Variants in ADAM12 observed in about 807,000 individuals in gnomAD.
ADAM12 encodes disintegrin and metalloproteinase domain-containing protein 12.
ADAM12 carries 70 observed loss-of-function variants against 106.4 expected under a neutral mutation model. That is an observed-to-expected ratio of 0.66 (90% CI 0.54 to 0.80). The LOEUF (loss-of-function observed/expected upper bound fraction) is 0.80, where lower values mean the gene tolerates loss of function less well. ADAM12 is among the 30% of genes least tolerant of loss of function. ADAM12 has a pLI of 0.00. For missense variants in ADAM12, 1,010 were observed against 1,171.9 expected, an observed-to-expected ratio of 0.86 and a Z score of 2.02; for synonymous variants, 420 against 433.5, an observed-to-expected ratio of 0.97 and a Z score of 0.39.
chr10:126,062,512 G>A (rs998841547), intron 14 of ADAM12, among the ~76,000 whole-genome samples: 4 of 152,174 alleles, frequency 2.6e-5, no homozygotes, highest in African/African-American at 7.2e-5. Context: ...CAGTCTGTGG[G>A]TCAGGTTGTC....
intron 1 of ADAM12, among the ~76,000 whole-genome samples, chr10:126,332,585 G>A (rs545159218): frequency 4.6e-4 from 70 of 152,202 alleles, no homozygotes; most frequent in Non-Finnish European, 8.1e-4. Flanking sequence ...TGGTATTTCT[G>A]AAGGACAGGC....
In ADAM12 at chr10:126,036,235, G is replaced by C. The variant is rs769115498; in HGVS notation, c.2440C>G (p.Arg814Gly). Residue 814 changes from arginine (R) to glycine (G), a missense_variant, in exon 21 of 23, where the codon CGA (arginine) becomes GGA (glycine). By Grantham distance (125) the Arg-to-Gly change is moderately radical (BLOSUM62 -2). This residue lies in a region of ADAM12 where 615 missense variants were observed against 708.5 expected (regional missense o/e 0.87). Coordinates refer to ENST00000448723, the MANE Select transcript of ADAM12 (RefSeq NM_001288973.2). Reference sequence around the variant, plus strand: ...GCCCGGTGGAGGGGAGGAAGCACTCGCTGAGTTGACTGGGGCTGAGGGACA... The same window carrying C: ...GCCCGGTGGAGGGGAGGAAGCACTCCCTGAGTTGACTGGGGCTGAGGGACA... ...LNVPQPQSTQRVLPPLHRAPR... is the reference protein window; with the variant it reads ...LNVPQPQSTQGVLPPLHRAPR... 2.6e-6 allele frequency: 4 copies of C among 1,551,480 alleles called. No homozygotes were observed. Among genetic ancestry groups the C allele is most frequent in the Non-Finnish European group, 3.5e-6 (4 of 1,154,592 alleles).
At chr10:126,367,965 T>C (rs1167769558) in intron 1 of ADAM12, among the ~76,000 whole-genome samples, 1 of 150,976 alleles carries the variant, frequency 6.6e-6, no homozygotes, top group Non-Finnish European at 1.5e-5. Flanking sequence ...GACAATAATA[T>C]AATAAGAAAA....
chr10:126,140,335 GATTA>G (rs1956487004), intron 4 of ADAM12, among the ~76,000 whole-genome samples: 1 of 152,068 alleles, frequency 6.6e-6, no homozygotes, highest in African/African-American at 2.4e-5. Flanking sequence ...GTTTTTAATA[GATTA>G]TTTATTAAAT....
chr10:126,150,743 A>G (rs921632610), intron 4 of ADAM12, among the ~76,000 whole-genome samples: 1 of 152,254 alleles, frequency 6.6e-6, no homozygotes, highest in Middle Eastern at 3.4e-3. Context: ...TCTTTCTTCC[A>G]TTCTGTCATC....
chr10:126,329,527 G>A (rs1187598524), intron 2 of ADAM12, among the ~76,000 whole-genome samples: 1 of 152,118 alleles, frequency 6.6e-6, no homozygotes, highest in African/African-American at 2.4e-5. Context: ...TTGCAACAAT[G>A]TCTGTGAAAC....
In ADAM12 at chr10:126,193,187, C is replaced by T. The variant is rs546004991; in HGVS notation, c.261-37882G>A. On this transcript the variant is annotated intron_variant, in intron 3 of 22. Coordinates refer to ENST00000448723, the MANE Select transcript of ADAM12 (RefSeq NM_001288973.2). ...GGCTGAGGCAAGAGAATCACTTGAA[C>T]CCAGAAGGCAGAGGTTGCAGTGAGC... Among the ~76,000 whole-genome samples, 10 of 143,876 alleles carry T rather than the reference C, an allele frequency of 7.0e-5. No individual in the cohort carries two copies. In the South Asian group the frequency reaches 2.2e-3, roughly 31 times the overall value. 94.4% of individuals were successfully genotyped at this position (143,876 alleles called of 152,430 possible).
intron 5 of ADAM12, among the ~76,000 whole-genome samples, chr10:126,128,345 A>T (rs1956240012): frequency 6.6e-6 from 1 of 152,200 alleles, no homozygotes; most frequent in South Asian, 2.1e-4. Context: ...AAACTGCATG[A>T]CAGCAATGCT....
At chr10:126,303,540 A>C (rs908894170) in intron 2 of ADAM12, among the ~76,000 whole-genome samples, 34 of 152,186 alleles carry the variant, frequency 2.2e-4, no homozygotes, top group Admixed American at 5.9e-4. Context: ...CAATTAAGAA[A>C]ATCACCCTAT....
intron 14 of ADAM12, among the ~76,000 whole-genome samples, chr10:126,058,845 A>C (rs2133463999): frequency 6.6e-6 from 1 of 152,368 alleles, no homozygotes; most frequent in Non-Finnish European, 1.5e-5. Flanking sequence ...GATGTTACAA[A>C]GGCAGAGATT....
intron 4 of ADAM12, among the ~76,000 whole-genome samples, chr10:126,144,413 C>T (rs1017421617): frequency 6.6e-6 from 1 of 152,224 alleles, no homozygotes; most frequent in African/African-American, 2.4e-5. Flanking sequence ...TAAACCCACT[C>T]TGCTGTAAGC....
intron 3 of ADAM12, among the ~76,000 whole-genome samples, chr10:126,264,815 C>A (rs1300326486): frequency 6.6e-6 from 1 of 152,166 alleles, no homozygotes; most frequent in Non-Finnish European, 1.5e-5. Context: ...ATCCAGACCC[C>A]TGCTTTTCCT....
intron 11 of ADAM12, among the ~76,000 whole-genome samples, chr10:126,082,438 G>A (rs1008271156): frequency 1.4e-5 from 2 of 138,130 alleles, no homozygotes; most frequent in African/African-American, 2.7e-5. Flanking sequence ...GTGCGATCTC[G>A]GCTCACCGTA....
intron 3 of ADAM12, among the ~76,000 whole-genome samples, chr10:126,209,597 G>T (rs778405250): frequency 3.9e-5 from 6 of 152,130 alleles, no homozygotes; most frequent in Admixed American, 1.3e-4. Flanking sequence ...ACTCTGTTGA[G>T]TTTAGGGCAA....
chr10:126,020,766 G>A (rs529271555), intron 21 of ADAM12, among the ~76,000 whole-genome samples: 192 of 152,078 alleles, frequency 1.3e-3, no homozygotes, highest in African/African-American at 4.4e-3. Flanking sequence ...CGAGGCGGGC[G>A]GATCACCTGA....
chr10:126,016,798 T>C lies in ADAM12; in HGVS notation c.*481A>G, dbSNP rs7916918. 97,572 of 152,948 alleles carry C rather than the reference T, an allele frequency of 0.64. 31,807 individuals carry two copies. The highest frequency in any genetic ancestry group is 0.77 in the East Asian group (3,993 of 5,182). 9.5% of individuals were successfully genotyped at this position (152,948 alleles called of 1,614,324 possible). On this transcript the variant is annotated 3_prime_UTR_variant, in exon 23 of 23. Coordinates refer to ENST00000448723, the MANE Select transcript of ADAM12 (RefSeq NM_001288973.2). ...CAGCCTGGACCTGAAGCCCCTTGGC[T>C]CTGGCCTGAGATGGGGAATCCAGAA...
chr10:126,199,693 T>C (rs1319885085), intron 3 of ADAM12, among the ~76,000 whole-genome samples: 1 of 152,156 alleles, frequency 6.6e-6, no homozygotes, highest in South Asian at 2.1e-4. Context: ...AAAATAAACA[T>C]TTAGAATTAC....
intron 3 of ADAM12, among the ~76,000 whole-genome samples, chr10:126,268,991 A>C (rs1428176406): frequency 1.3e-5 from 2 of 152,224 alleles, no homozygotes. Context: ...CTCCATAGAC[A>C]CAGCAGCCCC....
intron 2 of ADAM12, among the ~76,000 whole-genome samples, chr10:126,302,275 T>C (rs1297762313): frequency 6.6e-6 from 1 of 152,228 alleles, no homozygotes; most frequent in Non-Finnish European, 1.5e-5. Context: ...ACTATCCTTT[T>C]ACAAGATGGG....
Sources: allele counts gnomAD v4.1 joint callset (sites outside exome capture counted in the v4.1 genomes callset), GRCh38; gene constraint gnomAD v4.1.1; regional missense constraint gnomAD v4.1.1; transcripts MANE v1.5; gene names NCBI Gene and HGNC (gene_info 2026-07-23, HGNC 2026-07-21).